PCDHGA2: variants seen among roughly 807,000 people sequenced by gnomAD.
PCDHGA2 encodes protocadherin gamma-A2.
Under a neutral mutation model 59.2 loss-of-function variants are expected in PCDHGA2, and 40 were observed. The ratio of observed to expected loss-of-function variants is 0.68; its 90% CI spans 0.52 to 0.88. PCDHGA2 has a LOEUF of 0.88. Ranked by LOEUF, PCDHGA2 falls within the 40% of genes least tolerant of loss-of-function variation. PCDHGA2 has a pLI of 0.00. For synonymous variants in PCDHGA2, 560 were observed against 526.0 expected (o/e 1.06, Z -0.89); for missense variants, 1,226 against 1,204.0 (o/e 1.02, Z -0.27).
At chr5:141,352,318 T>C (rs1387178628) in intron 1 of PCDHGA2, 10 of 1,613,912 alleles carry the variant, frequency 6.2e-6, no homozygotes, top group Non-Finnish European at 8.5e-6. Context: ...AACTGCAGTT[T>C]TACCTGGTTG....
intron 1 of PCDHGA2, chr5:141,388,306 A>G (rs1315280677): frequency 6.2e-7 from 1 of 1,613,826 alleles, no homozygotes; most frequent in South Asian, 1.1e-5. Flanking sequence ...TTTGAGCTGC[A>G]AATAAGTGAG....
At chr5:141,371,460 A>G (rs1428114565) in intron 1 of PCDHGA2, 1 of 1,614,004 alleles carries the variant, frequency 6.2e-7, no homozygotes, top group Admixed American at 1.7e-5. Context: ...ATCCCAACAT[A>G]TACAAGAAGA....
At chr5:141,430,595 G>T (rs549786394) in intron 1 of PCDHGA2, 3 of 567,018 alleles carry the variant, frequency 5.3e-6, no homozygotes, top group African/African-American at 1.9e-5. Context: ...CCTTGCACGC[G>T]CCTGAAGCAC....
In PCDHGA2 at chr5:141,485,340, C is replaced by T. The variant is rs139641513; in HGVS notation, c.2425-9467C>T. ...GTCGCTCAAGATTTCCTGCTGGATA[C>T]GGACAGTCTGTCAGCTCGCAGGCTG... is the stretch of plus-strand genomic sequence containing the variant. On this transcript the variant is annotated intron_variant, in intron 1 of 3. Coordinates refer to ENST00000394576, the MANE Select transcript of PCDHGA2 (RefSeq NM_018915.4). This position sits in a 1 kb window ranked among gnomAD's most constrained non-coding sequence, Gnocchi z 5.7. 1.2e-6 allele frequency: 2 copies of T among 1,613,958 alleles called. No individual in the cohort carries two copies. Among genetic ancestry groups the T allele is most frequent in the East Asian group, 2.2e-5 (1 of 44,884 alleles).
chr5:141,346,258 G>T (rs1344567118), intron 1 of PCDHGA2: 2 of 1,614,210 alleles, frequency 1.2e-6, no homozygotes. Context: ...CACTTTGTGG[G>T]CGCGGACGGG....
rs1394234849 is a variant in PCDHGA2 at position 141,415,739 on chromosome 5, GGTTT to G, written c.2424+74345_2424+74348del. The G allele has an allele frequency of 1.9e-3, 837 of 434,806 alleles. 9 individuals are homozygous for G. In the African/African-American group the frequency reaches 0.026, roughly 14 times the overall value. The allele number at this position is 434,806 out of a possible 1,614,324, so 26.9% of individuals were successfully genotyped here. A position where few individuals can be genotyped will look rare whatever the true frequency, so the allele number is the denominator to read the frequency against. On this transcript the variant is annotated intron_variant, in intron 1 of 3. Coordinates refer to ENST00000394576, the MANE Select transcript of PCDHGA2 (RefSeq NM_018915.4). ...ATGAGTAGAATTTGATGTTTATTAAGGTTTTTTTTTTTTTTTTTTTTTTTTTTTT... is the reference window on the plus strand; with the variant it reads ...ATGAGTAGAATTTGATGTTTATTAAGTTTTTTTTTTTTTTTTTTTTTTTTT...
chr5:141,413,824 A>C, intron 1 of PCDHGA2: 1 of 1,613,112 alleles, frequency 6.2e-7, no homozygotes, highest in South Asian at 1.1e-5. Flanking sequence ...CCTGGTCCTC[A>C]CCGCCTCCGA....
intron 1 of PCDHGA2, chr5:141,412,158 G>A (rs188069449): frequency 1.3e-5 from 2 of 152,324 alleles, no homozygotes; most frequent in East Asian, 3.9e-4. Context: ...CCTAAGAGAA[G>A]AGATTATTTA....
At chr5:141,356,886 C>T in intron 1 of PCDHGA2, 1 of 1,614,206 alleles carries the variant, frequency 6.2e-7, no homozygotes, top group Non-Finnish European at 8.5e-7. Context: ...TCCCTGAGAT[C>T]CTGTACCCCA....
At chr5:141,345,740 A>G (rs564674250) in intron 1 of PCDHGA2, 17 of 1,614,172 alleles carry the variant, frequency 1.1e-5, no homozygotes, top group Admixed American at 1.7e-5. Context: ...CCCTCCCCAC[A>G]GACGGTTCCA....
chr5:141,421,425 C>T, intron 1 of PCDHGA2: 1 of 1,614,100 alleles, frequency 6.2e-7, no homozygotes, highest in Non-Finnish European at 8.5e-7. Context: ...GCGGAGTCCG[C>T]ATCGTCTCCA....
chr5:141,490,042 G>C lies in PCDHGA2; in HGVS notation c.2425-4765G>C. 1 of 1,614,266 alleles carries C rather than the reference G, an allele frequency of 6.2e-7. No individual in the cohort carries two copies. Among genetic ancestry groups the C allele is most frequent in the Non-Finnish European group, 8.5e-7 (1 of 1,180,038 alleles). The stretch of plus-strand genomic sequence containing the variant: ...TCTGCTGCTCCGCCTCAATGCCACT[G>C]ATCCAGACGAGGGCACCAACGGCCA... On this transcript the variant is annotated intron_variant, in intron 1 of 3. Coordinates refer to ENST00000394576, the MANE Select transcript of PCDHGA2 (RefSeq NM_018915.4). This position sits in a 1 kb window ranked among gnomAD's most constrained non-coding sequence, Gnocchi z 5.4.
Position 141,489,793 on chromosome 5 carries a change from C to T in PCDHGA2, c.2425-5014C>T, listed in dbSNP as rs749700050. On this transcript the variant is annotated intron_variant, in intron 1 of 3. Transcript: ENST00000394576. The surrounding 1 kb of genome is among the most constrained non-coding windows in gnomAD (Gnocchi z 4.5). ...CCACTTCTCTCTGAATGTGAAGACC[C>T]TAAAAGATGGGAAGCCATTCCCAGA... The T allele has an allele frequency of 6.2e-7, 1 of 1,614,044 alleles. No homozygotes were observed. Among genetic ancestry groups the T allele is most frequent in the Non-Finnish European group, 8.5e-7 (1 of 1,180,010 alleles).
At chr5:141,492,606 C>G (rs1019615566) in intron 1 of PCDHGA2, among the ~76,000 whole-genome samples, 3 of 152,232 alleles carry the variant, frequency 2.0e-5, no homozygotes, top group African/African-American at 7.2e-5. Flanking sequence ...GACTGCCGCT[C>G]TAAGTGCCGG....
intron 1 of PCDHGA2, chr5:141,376,224 T>A: frequency 6.2e-7 from 1 of 1,614,156 alleles, no homozygotes; most frequent in Admixed American, 1.7e-5. Flanking sequence ...CTGCTGGCGC[T>A]CAGACTGCAG....
intron 1 of PCDHGA2, chr5:141,351,749 C>A: frequency 1.2e-6 from 2 of 1,613,660 alleles, no homozygotes; most frequent in Non-Finnish European, 1.7e-6. Flanking sequence ...GCCGCGGGAG[C>A]TGTTGTCCTA....
chr5:141,375,655 G>C (rs117560542), intron 1 of PCDHGA2: 2 of 1,614,128 alleles, frequency 1.2e-6, no homozygotes, highest in African/African-American at 2.7e-5. Context: ...ACTATGAGCA[G>C]TTGAGAGACC....
At position 141,477,748 on chromosome 5, in the gene PCDHGA2, C is replaced by T; in HGVS notation, c.2425-17059C>T. ...CAGCTCATATCAGCGATGGGGGCAC[C>T]CCGGTCCTAGCCACCAACATCAGCG... On this transcript the variant is annotated intron_variant, in intron 1 of 3. Transcript: ENST00000394576. The surrounding 1 kb of genome is among the most constrained non-coding windows in gnomAD (Gnocchi z 4.9). 6.2e-7 allele frequency: 1 copy of T among 1,613,872 alleles called. No homozygotes were observed. The highest frequency in any genetic ancestry group is 1.1e-5 in the South Asian group (1 of 91,080).
chr5:141,460,126 T>TC (rs2098982804), intron 1 of PCDHGA2, among the ~76,000 whole-genome samples: 1 of 151,986 alleles, frequency 6.6e-6, no homozygotes, highest in South Asian at 2.1e-4. Context: ...ATATATGTAA[T>TC]ATATATATTC....
Sources: gnomAD v4.1 joint callset for allele counts (sites outside exome capture counted in the v4.1 genomes callset) on GRCh38, gnomAD v4.1.1 for gene constraint, Gnocchi (gnomAD v3.1) non-coding constraint, MANE v1.5 for transcripts, NCBI Gene and HGNC (gene_info 2026-07-23, HGNC 2026-07-21) for gene names.